LRP1B: variants seen among roughly 807,000 people sequenced by gnomAD.
The protein encoded by LRP1B is low-density lipoprotein receptor-related protein 1B.
LRP1B carries 217 observed loss-of-function variants against 556.6 expected under a neutral mutation model. That is an observed-to-expected ratio of 0.39 (90% CI 0.35 to 0.44). The LOEUF (loss-of-function observed/expected upper bound fraction) is 0.44. LRP1B is among the 20% of genes least tolerant of loss of function. The pLI is 1.00. For synonymous variants in LRP1B, 2,047 were observed against 1,865.8 expected (o/e 1.10, Z -2.50); for missense variants, 5,053 against 5,620.8 (o/e 0.90, Z 3.23).
intron 41 of LRP1B, among the ~76,000 whole-genome samples, chr2:140,635,512 A>G (rs960699041): frequency 2.0e-5 from 3 of 151,634 alleles, no homozygotes; most frequent in African/African-American, 4.8e-5. Context: ...GATAAATTTT[A>G]TTTTTCTTTT....
At chr2:141,473,554 A>T (rs531853216) in intron 3 of LRP1B, among the ~76,000 whole-genome samples, 2 of 152,180 alleles carry the variant, frequency 1.3e-5, no homozygotes, top group African/African-American at 4.8e-5. Context: ...TACACCTGAG[A>T]TAGGCTTGAG....
At chr2:140,869,267 G>A (rs1270877710) in intron 25 of LRP1B, among the ~76,000 whole-genome samples, 1 of 152,084 alleles carries the variant, frequency 6.6e-6, no homozygotes, top group Non-Finnish European at 1.5e-5. Context: ...TAGTATGCAT[G>A]TACTTTATTC....
chr2:140,620,617 A>G (rs1038881187), intron 41 of LRP1B, among the ~76,000 whole-genome samples: 3 of 152,136 alleles, frequency 2.0e-5, no homozygotes, highest in Admixed American at 6.5e-5. Flanking sequence ...TTAAGTTCCT[A>G]TGTGTTAGAA....
At chr2:140,305,996 A>G (rs980838293) in intron 83 of LRP1B, among the ~76,000 whole-genome samples, 2 of 149,860 alleles carry the variant, frequency 1.3e-5, no homozygotes, top group Non-Finnish European at 3.0e-5. Context: ...CATCCCAGGG[A>G]TGAAGCCCAC....
intron 41 of LRP1B, among the ~76,000 whole-genome samples, chr2:140,608,013 A>C (rs1682932729): frequency 6.6e-6 from 1 of 151,838 alleles, no homozygotes; most frequent in African/African-American, 2.4e-5. Flanking sequence ...TAAAATTATT[A>C]TCTAAAATAA....
At chr2:140,928,325 A>G (rs1694945750) in intron 20 of LRP1B, among the ~76,000 whole-genome samples, 1 of 152,194 alleles carries the variant, frequency 6.6e-6, no homozygotes, top group African/African-American at 2.4e-5. Flanking sequence ...TTATGCTGTG[A>G]TAACAGACCA....
At chr2:140,847,771 AAAAAAG>A (rs1470533442) in intron 29 of LRP1B, among the ~76,000 whole-genome samples, 1 of 68,514 alleles carries the variant, frequency 1.5e-5, no homozygotes. Flanking sequence ...TCTAAAAAAA[AAAAAAG>A]AAGAAAGAAA....
intron 5 of LRP1B, among the ~76,000 whole-genome samples, chr2:141,238,151 C>A (rs751968602): frequency 2.0e-5 from 3 of 152,042 alleles, no homozygotes; most frequent in Non-Finnish European, 2.9e-5. Context: ...TTAGAACTAG[C>A]AGACAGTCCA....
At chr2:140,756,497 T>C (rs755887122) in intron 35 of LRP1B, among the ~76,000 whole-genome samples, 1 of 152,008 alleles carries the variant, frequency 6.6e-6, no homozygotes, top group South Asian at 2.1e-4. Flanking sequence ...TATAGATCAA[T>C]GAGATAGAAT....
chr2:140,445,253 T>C (rs1389977381), intron 63 of LRP1B, among the ~76,000 whole-genome samples: 2 of 152,062 alleles, frequency 1.3e-5, no homozygotes, highest in East Asian at 1.9e-4. Context: ...GTAGCTGGGA[T>C]TACAGGCGCC....
chr2:141,540,888 CT>C (rs1290766817), intron 2 of LRP1B, among the ~76,000 whole-genome samples: 21 of 151,906 alleles, frequency 1.4e-4, no homozygotes, highest in Non-Finnish European at 1.3e-4. Flanking sequence ...GTGAATCATG[CT>C]CTACATTTTT....
chr2:141,710,275 T>A (rs577100736), intron 2 of LRP1B, among the ~76,000 whole-genome samples: 8 of 152,278 alleles, frequency 5.3e-5, no homozygotes, highest in African/African-American at 1.4e-4. Context: ...TGTCAGGTTT[T>A]AAAAAAATTT....
intron 1 of LRP1B, among the ~76,000 whole-genome samples, chr2:141,946,908 A>G (rs1007677438): frequency 6.6e-6 from 1 of 152,192 alleles, no homozygotes; most frequent in African/African-American, 2.4e-5. Flanking sequence ...ATTACTCAAG[A>G]TCAGGATACA....
chr2:141,812,405 C>A (rs892407653), intron 1 of LRP1B, among the ~76,000 whole-genome samples: 2 of 152,072 alleles, frequency 1.3e-5, no homozygotes, highest in Admixed American at 6.6e-5. Context: ...TTCATTTTAT[C>A]TATAGCTACT....
At chr2:141,069,198 CCTT>C (rs752850351) in intron 7 of LRP1B, among the ~76,000 whole-genome samples, 47 of 152,088 alleles carry the variant, frequency 3.1e-4, no homozygotes, top group Non-Finnish European at 6.0e-4. Flanking sequence ...CTCTCATTCA[CCTT>C]TTTATTATGA....
chr2:140,684,341 C>T (rs889479435), intron 41 of LRP1B, among the ~76,000 whole-genome samples: 2 of 152,190 alleles, frequency 1.3e-5, no homozygotes, highest in Admixed American at 1.3e-4. Context: ...AGATGTCTTT[C>T]GAATGGTGAC....
chr2:140,362,938 T>C (rs1222450284), intron 72 of LRP1B, among the ~76,000 whole-genome samples: 5 of 151,616 alleles, frequency 3.3e-5, no homozygotes, highest in East Asian at 1.9e-4. Flanking sequence ...AAAATAATCA[T>C]GGTCTCTTGC....
chr2:140,665,634 A>G (rs1307104232), intron 41 of LRP1B, among the ~76,000 whole-genome samples: 2 of 152,196 alleles, frequency 1.3e-5, no homozygotes, highest in East Asian at 3.9e-4. Context: ...AAATGAAAAC[A>G]TATTTCAATT....
At chr2:141,753,649 T>A (rs1694213077) in intron 2 of LRP1B, among the ~76,000 whole-genome samples, 1 of 152,092 alleles carries the variant, frequency 6.6e-6, no homozygotes, top group African/African-American at 2.4e-5. Flanking sequence ...CACATTTTTA[T>A]ATGAAAACAA....
Sources: allele counts gnomAD v4.1 joint callset (sites outside exome capture counted in the v4.1 genomes callset), GRCh38; gene constraint gnomAD v4.1.1; transcripts MANE v1.5; gene names NCBI Gene and HGNC (gene_info 2026-07-23, HGNC 2026-07-21).